The following ARHGAP10 variants were observed in gnomAD, a reference collection of about 807,000 sequenced individuals.
ARHGAP10 encodes the protein Rho GTPase activating protein 10, also known as rho GTPase-activating protein 10.
Under a neutral mutation model 108.6 loss-of-function variants are expected in ARHGAP10, and 87 were observed. That is an observed-to-expected ratio of 0.80 (90% confidence interval 0.67 to 0.96). The LOEUF (loss-of-function observed/expected upper bound fraction) is 0.96, where lower values mean the gene tolerates loss of function less well. ARHGAP10 is among the 40% of genes least tolerant of loss of function. The pLI, the probability that ARHGAP10 is intolerant of heterozygous loss-of-function variation, is 0.00. For missense variants in ARHGAP10, 939 were observed against 954.5 expected, an observed-to-expected ratio of 0.98 and a Z score of 0.21; for synonymous variants, 347 against 341.1, an observed-to-expected ratio of 1.02 and a Z score of -0.19.
intron 13 of ARHGAP10, among the ~76,000 whole-genome samples, chr4:147,934,920 G>A (rs1456339341): frequency 1.3e-5 from 2 of 152,158 alleles, no homozygotes; most frequent in Non-Finnish European, 2.9e-5. Flanking sequence ...TATCACTGTG[G>A]GCTGGTGTCA....
intron 1 of ARHGAP10, 33 bp downstream of exon 1, chr4:147,732,488 G>A: frequency 6.2e-7 from 1 of 1,605,482 alleles, no homozygotes; most frequent in Non-Finnish European, 8.5e-7. Flanking sequence ...ACGGGCTGCG[G>A]CGTGGCGAGG....
intron 1 of ARHGAP10, among the ~76,000 whole-genome samples, chr4:147,777,062 G>C (rs529906169): frequency 3.9e-5 from 6 of 152,270 alleles, no homozygotes; most frequent in African/African-American, 1.4e-4. Flanking sequence ...TAACTGCTAT[G>C]CTGATAGCTG....
intron 3 of ARHGAP10, among the ~76,000 whole-genome samples, chr4:147,845,862 A>G (rs889365914): frequency 1.3e-5 from 2 of 152,174 alleles, no homozygotes; most frequent in Non-Finnish European, 2.9e-5. Context: ...GGAATGTGGG[A>G]CATTCCATAT....
At chr4:148,042,243 T>G (rs973202438) in intron 19 of ARHGAP10, among the ~76,000 whole-genome samples, 24 of 152,202 alleles carry the variant, frequency 1.6e-4, no homozygotes, top group Admixed American at 6.5e-4. Context: ...CCCTTCACCT[T>G]TGTTCACTGA....
chr4:148,063,881 C>T (rs544370176), intron 21 of ARHGAP10, among the ~76,000 whole-genome samples: 1 of 152,324 alleles, frequency 6.6e-6, no homozygotes, highest in Non-Finnish European at 1.5e-5. Flanking sequence ...GAAGCTGGGC[C>T]TGGTGTGCCT....
intron 10 of ARHGAP10, among the ~76,000 whole-genome samples, chr4:147,896,249 TTCAC>T (rs1218813311): frequency 2.0e-5 from 3 of 152,212 alleles, no homozygotes; most frequent in African/African-American, 7.2e-5. Flanking sequence ...TTTTCCCTTC[TTCAC>T]TGTTTTTTCA....
At position 147,996,102 on chromosome 4, in the gene ARHGAP10, G is replaced by A. The variant is rs940980974; in HGVS notation, c.1717-27161G>A. Among the ~76,000 whole-genome samples the A allele has an allele frequency of 6.6e-5, 10 of 152,136 alleles. No homozygotes were observed. In the South Asian group the frequency reaches 1.7e-3, roughly 25 times the overall value. On this transcript the variant is annotated intron_variant, in intron 18 of 22. Transcript: ENST00000336498. ...TCAAAAAGCTCTTCTTTAGAAGTAG[G>A]TGCAGGAGATGGTTTGGGCAGCTTT... is the stretch of plus-strand genomic sequence containing the variant.
chr4:148,008,977 T>A (rs1316662498), intron 18 of ARHGAP10, among the ~76,000 whole-genome samples: 2 of 152,186 alleles, frequency 1.3e-5, no homozygotes, highest in Admixed American at 1.3e-4. Context: ...GAAAAATCAT[T>A]ATGTTAATAT....
intron 7 of ARHGAP10, among the ~76,000 whole-genome samples, chr4:147,869,679 CTT>C (rs1400998529): frequency 6.6e-6 from 1 of 151,932 alleles, no homozygotes; most frequent in Non-Finnish European, 1.5e-5. Flanking sequence ...ATATTCCTCT[CTT>C]GATTTTATTT....
At chr4:147,746,620 C>T (rs1728935638) in intron 1 of ARHGAP10, among the ~76,000 whole-genome samples, 1 of 151,796 alleles carries the variant, frequency 6.6e-6, no homozygotes, top group Non-Finnish European at 1.5e-5. Context: ...GAACTCCTGA[C>T]CTCAGCTGAT....
At chr4:147,986,674 A>G (rs1218846003) in intron 18 of ARHGAP10, among the ~76,000 whole-genome samples, 1 of 152,162 alleles carries the variant, frequency 6.6e-6, no homozygotes, top group African/African-American at 2.4e-5. Flanking sequence ...CTTCATCACC[A>G]TCAATATAAT....
intron 8 of ARHGAP10, among the ~76,000 whole-genome samples, chr4:147,878,923 C>A (rs1046202191): frequency 6.6e-6 from 1 of 152,020 alleles, no homozygotes; most frequent in Non-Finnish European, 1.5e-5. Context: ...ACTATAGGCG[C>A]CTGCCACTAT....
At chr4:148,007,488 T>C (rs1740996669) in intron 18 of ARHGAP10, among the ~76,000 whole-genome samples, 1 of 152,222 alleles carries the variant, frequency 6.6e-6, no homozygotes, top group Non-Finnish European at 1.5e-5. Flanking sequence ...CTTACGTAGC[T>C]TGATGAGGAT....
chr4:147,879,219 T>G lies in ARHGAP10; in HGVS notation c.833-13T>G, dbSNP rs1735224719. On this transcript the variant is annotated splice_polypyrimidine_tract_variant and intron_variant, in intron 8 of 22. Coordinates refer to ENST00000336498, the MANE Select transcript of ARHGAP10 (RefSeq NM_024605.4). ...TATGAGGGAAAATATAAAGGGCTGT[T>G]TTTTTGTTGAAGGGCCTGCTCCGTT... 6.2e-7 allele frequency: 1 copy of G among 1,606,386 alleles called. No individual in the cohort carries two copies.
intron 18 of ARHGAP10, among the ~76,000 whole-genome samples, chr4:148,014,536 C>A (rs1471163581): frequency 6.6e-6 from 1 of 152,186 alleles, no homozygotes. Flanking sequence ...GTGAAAATTT[C>A]TTTAATGCCA....
intron 13 of ARHGAP10, among the ~76,000 whole-genome samples, chr4:147,932,107 A>G (rs1055138336): frequency 6.6e-6 from 1 of 152,326 alleles, no homozygotes; most frequent in East Asian, 1.9e-4. Flanking sequence ...AGTCAAAACC[A>G]CAATGAGATA....
chr4:147,762,907 G>A (rs1309142232), intron 1 of ARHGAP10, among the ~76,000 whole-genome samples: 5 of 152,004 alleles, frequency 3.3e-5, no homozygotes, highest in African/African-American at 4.8e-5. Flanking sequence ...AACATCTGTC[G>A]CCCTTATCTA....
chr4:147,955,789 G>T (rs917105552), intron 16 of ARHGAP10, among the ~76,000 whole-genome samples: 1 of 152,080 alleles, frequency 6.6e-6, no homozygotes. Flanking sequence ...GTTTGGAGGT[G>T]GCTTCACATA....
intron 1 of ARHGAP10, among the ~76,000 whole-genome samples, chr4:147,739,294 TA>T (rs1195169950): frequency 6.6e-6 from 1 of 151,990 alleles, no homozygotes; most frequent in Non-Finnish European, 1.5e-5. Flanking sequence ...GATTTGAAGA[TA>T]AAGTAGAATG....
Sources: allele counts gnomAD v4.1 joint callset (sites outside exome capture counted in the v4.1 genomes callset), GRCh38; gene constraint gnomAD v4.1.1; transcripts MANE v1.5; gene names NCBI Gene and HGNC (gene_info 2026-07-23, HGNC 2026-07-21).